Variants in NRP1 observed in about 807,000 individuals in gnomAD.
NRP1 encodes neuropilin-1.
A neutral mutation model predicts 106.7 loss-of-function variants in NRP1; 35 were observed. That is an observed-to-expected ratio of 0.33 (90% CI 0.25 to 0.43). NRP1 has a LOEUF of 0.43. NRP1 is among the 20% of genes least tolerant of loss of function. NRP1 has a pLI of 1.00. For synonymous variants in NRP1, 437 were observed against 417.9 expected (o/e 1.05, Z -0.56); for missense variants, 1,024 against 1,170.4 (o/e 0.87, Z 1.83).
At chr10:33,241,470 G>T (rs1243281947) in intron 6 of NRP1, among the ~76,000 whole-genome samples, 2 of 91,298 alleles carry the variant, frequency 2.2e-5, no homozygotes, top group Non-Finnish European at 4.0e-5. Flanking sequence ...ACTACATCGT[G>T]TTATTCCTCC....
intron 2 of NRP1, among the ~76,000 whole-genome samples, chr10:33,282,127 T>A (rs1198267307): frequency 1.0e-5 from 1 of 96,676 alleles, no homozygotes; most frequent in African/African-American, 3.2e-5. Context: ...TACCATAGTA[T>A]GTTTTTTTTT....
chr10:33,228,271 C>G (rs146924432), intron 6 of NRP1, among the ~76,000 whole-genome samples: 1 of 152,294 alleles, frequency 6.6e-6, no homozygotes, highest in East Asian at 1.9e-4. Context: ...ACTCGGGAGG[C>G]TGAGGCAGTA....
intron 15 of NRP1, among the ~76,000 whole-genome samples, chr10:33,183,932 A>G (rs1377255762): frequency 4.6e-5 from 7 of 152,352 alleles, no homozygotes; most frequent in Non-Finnish European, 8.8e-5. Context: ...AGCTAAATGG[A>G]CAAATCACAA....
chr10:33,290,367 T>A (rs63021860), intron 2 of NRP1, among the ~76,000 whole-genome samples: 37 of 127,854 alleles, frequency 2.9e-4, no homozygotes, highest in African/African-American at 8.2e-4. Flanking sequence ...TTTTTTTTTT[T>A]AATTCATAGG....
chr10:33,229,230 A>C (rs1839914942), intron 6 of NRP1, among the ~76,000 whole-genome samples: 1 of 152,210 alleles, frequency 6.6e-6, no homozygotes, highest in South Asian at 2.1e-4. Context: ...GACAACCCTA[A>C]ATCTCACTAT....
chr10:33,190,158 A>G (rs1836308356), intron 13 of NRP1, among the ~76,000 whole-genome samples: 1 of 152,176 alleles, frequency 6.6e-6, no homozygotes, highest in African/African-American at 2.4e-5. Flanking sequence ...CTGGGTCAGG[A>G]ACTCTGTCTT....
intron 6 of NRP1, among the ~76,000 whole-genome samples, chr10:33,227,270 C>G (rs1839747441): frequency 6.6e-6 from 1 of 152,142 alleles, no homozygotes; most frequent in South Asian, 2.1e-4. Flanking sequence ...AATGGAGAGG[C>G]CTGGACTTGA....
chr10:33,308,799 T>A (rs924028116), intron 2 of NRP1, among the ~76,000 whole-genome samples: 8 of 152,064 alleles, frequency 5.3e-5, no homozygotes, highest in East Asian at 1.9e-4. Context: ...TCAATTTTTT[T>A]AAAAAATGCA....
intron 12 of NRP1, among the ~76,000 whole-genome samples, chr10:33,193,004 ATTAAT>A (rs1836521064): frequency 6.6e-6 from 1 of 152,138 alleles, no homozygotes; most frequent in African/African-American, 2.4e-5. Context: ...TATAAGGTCG[ATTAAT>A]TTAAGTATAA....
At chr10:33,188,674 C>T (rs1189914921) in intron 13 of NRP1, among the ~76,000 whole-genome samples, 2 of 151,640 alleles carry the variant, frequency 1.3e-5, no homozygotes, top group Non-Finnish European at 2.9e-5. Flanking sequence ...GTCAGGAGTC[C>T]GAGACCAGCC....
At chr10:33,281,612 G>A (rs1278234281) in intron 2 of NRP1, among the ~76,000 whole-genome samples, 1 of 152,138 alleles carries the variant, frequency 6.6e-6, no homozygotes, top group Non-Finnish European at 1.5e-5. Context: ...GGATGACTGT[G>A]ATCTCAGTCA....
intron 2 of NRP1, among the ~76,000 whole-genome samples, chr10:33,285,657 G>A (rs1017546435): frequency 8.6e-5 from 13 of 151,844 alleles, no homozygotes; most frequent in African/African-American, 2.7e-4. Flanking sequence ...TGGTGAAACC[G>A]CGTATCTACT....
intron 2 of NRP1, among the ~76,000 whole-genome samples, chr10:33,317,230 A>G (rs543526440): frequency 4.6e-5 from 7 of 152,346 alleles, no homozygotes; most frequent in African/African-American, 1.7e-4. Flanking sequence ...ACATAAGGCC[A>G]TTCATGAGGG....
At chr10:33,256,769 T>C (rs1328375779) in intron 4 of NRP1, among the ~76,000 whole-genome samples, 1 of 152,232 alleles carries the variant, frequency 6.6e-6, no homozygotes, top group Non-Finnish European at 1.5e-5. Flanking sequence ...ATTTAGGCTA[T>C]TGAAGTGGCA....
At chr10:33,306,355 G>GGTGTGTGTGTGTGT (rs61242197) in intron 2 of NRP1, among the ~76,000 whole-genome samples, 3,478 of 148,098 alleles carry the variant, frequency 0.023, 61 homozygotes, top group Middle Eastern at 0.058. Flanking sequence ...GGGTCAGAAG[G>GGTGTGTGTGTGTGT]GTGTGTGTGT....
chr10:33,301,377 C>G (rs1845789968), intron 2 of NRP1, among the ~76,000 whole-genome samples: 1 of 152,150 alleles, frequency 6.6e-6, no homozygotes, highest in South Asian at 2.1e-4. Flanking sequence ...AAGTTACAAA[C>G]CTCTTTAGAA....
At chr10:33,259,904 C>T (rs559462621) in intron 4 of NRP1, among the ~76,000 whole-genome samples, 1 of 152,180 alleles carries the variant, frequency 6.6e-6, no homozygotes, top group Non-Finnish European at 1.5e-5. Context: ...GCCCAGGCTG[C>T]AGTGCGGTGG....
At chr10:33,227,872 G>A (rs1345436710) in intron 6 of NRP1, among the ~76,000 whole-genome samples, 1 of 152,102 alleles carries the variant, frequency 6.6e-6, no homozygotes, top group Non-Finnish European at 1.5e-5. Context: ...TAAAATGAAG[G>A]AGTGGGATTA....
intron 13 of NRP1, among the ~76,000 whole-genome samples, chr10:33,187,676 A>G (rs1016695200): frequency 1.3e-5 from 2 of 152,180 alleles, no homozygotes; most frequent in Non-Finnish European, 2.9e-5. Flanking sequence ...GGCTCTGCAA[A>G]TAGAAATCAT....
Sources: allele counts gnomAD v4.1 joint callset (sites outside exome capture counted in the v4.1 genomes callset), GRCh38; gene constraint gnomAD v4.1.1; transcripts MANE v1.5; gene names NCBI Gene and HGNC (gene_info 2026-07-23, HGNC 2026-07-21).